APBB2: variants seen among roughly 807,000 people sequenced by gnomAD.
APBB2 encodes Fe65-like 1.
Under a neutral mutation model 82.5 loss-of-function variants are expected in APBB2, and 38 were observed. That is an observed-to-expected ratio of 0.46 (90% confidence interval 0.36 to 0.60). The LOEUF (loss-of-function observed/expected upper bound fraction) is 0.60, where lower values mean the gene tolerates loss of function less well. APBB2 is among the 20% of genes least tolerant of loss of function. The pLI, the probability that APBB2 is intolerant of heterozygous loss-of-function variation, is 0.00. For synonymous variants in APBB2, 341 were observed against 368.2 expected, an observed-to-expected ratio of 0.93 and a Z score of 0.85; for missense variants, 772 against 972.3, an observed-to-expected ratio of 0.79 and a Z score of 2.74.
chr4:40,929,626 G>C (rs140332354), intron 10 of APBB2, among the ~76,000 whole-genome samples: 1 of 152,118 alleles, frequency 6.6e-6, no homozygotes, highest in Non-Finnish European at 1.5e-5. Flanking sequence ...AAAACTAGGG[G>C]GTAGTAGCTC....
At chr4:41,145,223 T>G (rs1289592330) in intron 1 of APBB2, among the ~76,000 whole-genome samples, 1 of 152,194 alleles carries the variant, frequency 6.6e-6, no homozygotes, top group Non-Finnish European at 1.5e-5. Context: ...TCTGATGCTC[T>G]TGGCATCCTG....
At chr4:41,146,615 T>C (rs1304253092) in intron 1 of APBB2, among the ~76,000 whole-genome samples, 2 of 152,226 alleles carry the variant, frequency 1.3e-5, no homozygotes, top group African/African-American at 4.8e-5. Flanking sequence ...TTCTTCAAGA[T>C]TATTTCTTTG....
chr4:40,887,697 A>T (rs1259131171), intron 12 of APBB2, among the ~76,000 whole-genome samples: 2 of 152,186 alleles, frequency 1.3e-5, no homozygotes, highest in South Asian at 4.1e-4. Context: ...TTCCATGCCA[A>T]TCCAGCTGAA....
intron 2 of APBB2, among the ~76,000 whole-genome samples, chr4:41,114,249 A>C (rs1423906473): frequency 6.6e-6 from 1 of 152,328 alleles, no homozygotes; most frequent in African/African-American, 2.4e-5. Flanking sequence ...TAGATGCAGA[A>C]AAGGCCTTCG....
At chr4:41,133,086 G>A (rs1326492408) in intron 2 of APBB2, among the ~76,000 whole-genome samples, 2 of 151,686 alleles carry the variant, frequency 1.3e-5, no homozygotes, top group African/African-American at 4.8e-5. Flanking sequence ...TATACAAAAG[G>A]GAATGGTAAT....
intron 10 of APBB2, among the ~76,000 whole-genome samples, chr4:40,933,595 A>C (rs1323492042): frequency 6.6e-6 from 1 of 152,046 alleles, no homozygotes; most frequent in Non-Finnish European, 1.5e-5. Context: ...ACTTGACCCC[A>C]ACCCTCCCGT....
chr4:41,089,298 T>C (rs1396350775), intron 3 of APBB2, among the ~76,000 whole-genome samples: 1 of 152,226 alleles, frequency 6.6e-6, no homozygotes, highest in Non-Finnish European at 1.5e-5. Context: ...ATATTTGCAT[T>C]ATATAATTAC....
intron 6 of APBB2, among the ~76,000 whole-genome samples, chr4:40,953,100 G>C (rs1037088871): frequency 1.3e-5 from 2 of 152,112 alleles, no homozygotes; most frequent in African/African-American, 2.4e-5. Flanking sequence ...TTCAAGATCA[G>C]CCTGGCCAAC....
At chr4:40,837,739 G>A (rs1754458373) in intron 12 of APBB2, among the ~76,000 whole-genome samples, 1 of 152,208 alleles carries the variant, frequency 6.6e-6, no homozygotes, top group Non-Finnish European at 1.5e-5. Flanking sequence ...CTGCAGTCAT[G>A]AGAATCATTG....
Position 40,930,469 on chromosome 4 carries a change from G to A in APBB2, c.1254+3987C>T, listed in dbSNP as rs1215730043. 4.8e-4 allele frequency among the ~76,000 whole-genome samples: 66 copies of A among 136,498 alleles called. 1 individual carries two copies. Among genetic ancestry groups the A allele is most frequent in the Non-Finnish European group, 6.1e-5 (4 of 65,376 alleles). The allele number at this position is 136,498 out of a possible 152,430, so 89.5% of individuals were successfully genotyped here. A position where few individuals can be genotyped will look rare whatever the true frequency, so the allele number is the denominator to read the frequency against. On this transcript the variant is annotated intron_variant, in intron 10 of 17. Coordinates refer to ENST00000508593, the MANE Select transcript of APBB2 (RefSeq NM_004307.2). ...TGTGTGCGCGCGCGCGCGCGCGCGTGCGCGTGCGCGTATGCGTGTGTATGT... is the reference window on the plus strand; with the variant it reads ...TGTGTGCGCGCGCGCGCGCGCGCGTACGCGTGCGCGTATGCGTGTGTATGT...
chr4:41,005,562 C>T (rs572677654), intron 6 of APBB2, among the ~76,000 whole-genome samples: 22 of 152,300 alleles, frequency 1.4e-4, no homozygotes, highest in Middle Eastern at 3.4e-3. Context: ...TGCATGCCCA[C>T]CTCCAAGGTA....
At chr4:40,846,856 C>T (rs1229846483) in intron 12 of APBB2, among the ~76,000 whole-genome samples, 2 of 151,948 alleles carry the variant, frequency 1.3e-5, no homozygotes, top group Non-Finnish European at 2.9e-5. Context: ...AACCAGGAAA[C>T]GAGTATTTTT....
At chr4:40,817,589 A>G (rs764000246) in intron 17 of APBB2, among the ~76,000 whole-genome samples, 11 of 152,132 alleles carry the variant, frequency 7.2e-5, no homozygotes, top group Non-Finnish European at 1.3e-4. Flanking sequence ...CAGGACCTGA[A>G]TATGTAGGAT....
At position 41,202,867 on chromosome 4, in the gene APBB2, G is replaced by A. The variant is rs1000430381; in HGVS notation, c.-417+11538C>T. Among the ~76,000 whole-genome samples the A allele has an allele frequency of 3.9e-5, 6 of 152,332 alleles. No individual in the cohort carries two copies. The South Asian group carries it at 1.2e-3, about 32-fold the overall frequency. On this transcript the variant is annotated intron_variant, in intron 1 of 17. Coordinates refer to ENST00000508593, the MANE Select transcript of APBB2 (RefSeq NM_004307.2). ...TTGTTAATAACTGGGGCTGCAGAATGTAGGCAAACGTTCAAACCTTCACAA... is the reference window on the plus strand; with the variant it reads ...TTGTTAATAACTGGGGCTGCAGAATATAGGCAAACGTTCAAACCTTCACAA...
At chr4:40,966,772 C>T (rs756544715) in intron 6 of APBB2, among the ~76,000 whole-genome samples, 13 of 152,148 alleles carry the variant, frequency 8.5e-5, no homozygotes, top group Non-Finnish European at 1.6e-4. Flanking sequence ...AAGGGTGGCT[C>T]GGCACAGGTC....
At chr4:41,193,521 C>T in intron 1 of APBB2, 1 of 981,632 alleles carries the variant, frequency 1.0e-6, no homozygotes, top group Non-Finnish European at 1.2e-6. Context: ...CATGGTACTC[C>T]CACAGGCCCT....
rs575991822 is a variant in APBB2, at chr4:40,915,297, C to T, written c.1254+19159G>A. ...CTACTCCTCCTGGCACTCGCTCACACTCTTCCCTGCTGTTTTTCTCCATAG... is the reference window on the plus strand; with the variant it reads ...CTACTCCTCCTGGCACTCGCTCACATTCTTCCCTGCTGTTTTTCTCCATAG... On this transcript the variant is annotated intron_variant, in intron 10 of 17. Coordinates refer to ENST00000508593, the MANE Select transcript of APBB2 (RefSeq NM_004307.2). 3.3e-5 allele frequency among the ~76,000 whole-genome samples: 5 copies of T among 152,308 alleles called. No homozygotes were observed. In the East Asian group the frequency reaches 7.7e-4, roughly 24 times the overall value.
In APBB2 at chr4:41,148,633, A is replaced by G. The variant is rs534035905; in HGVS notation, c.-416-5491T>C. Among the ~76,000 whole-genome samples the G allele has an allele frequency of 1.2e-4, 18 of 152,366 alleles. No homozygotes were observed. In the South Asian group the frequency reaches 3.7e-3, roughly 32 times the overall value. On this transcript the variant is annotated intron_variant, in intron 1 of 17. Coordinates refer to ENST00000508593, the MANE Select transcript of APBB2 (RefSeq NM_004307.2). ...GTGGGAAGGCTCAGGGGGCTAAAGG[A>G]ACATGCAGGCGGCACCTAATCGGAA...
chr4:40,851,739 T>TATATATATATATATATA (rs57639176), intron 12 of APBB2, among the ~76,000 whole-genome samples: 5 of 34,788 alleles, frequency 1.4e-4, no homozygotes, highest in Admixed American at 3.5e-4. Flanking sequence ...TATATATATA[T>TATATATATATATATATA]TTTTTTTTTT....
Sources: allele counts gnomAD v4.1 joint callset (sites outside exome capture counted in the v4.1 genomes callset), GRCh38; gene constraint gnomAD v4.1.1; transcripts MANE v1.5; gene names NCBI Gene and HGNC (gene_info 2026-07-23, HGNC 2026-07-21).